The following VSTM2B variants were observed in gnomAD, a reference collection of about 807,000 sequenced individuals.
VSTM2B encodes V-set and transmembrane domain containing 2B.
A neutral mutation model predicts 24.0 loss-of-function variants in VSTM2B; 24 were observed. The ratio of observed to expected loss-of-function variants is 1.00; its 90% CI spans 0.72 to 1.40. The LOEUF is 1.40. Ranked by LOEUF, VSTM2B falls within the 40% of genes most tolerant of loss-of-function variation. VSTM2B has a pLI of 0.00. For missense variants in VSTM2B, 399 were observed against 416.4 expected, an observed-to-expected ratio of 0.96 and a Z score of 0.36; for synonymous variants, 226 against 194.4, an observed-to-expected ratio of 1.16 and a Z score of -1.35.
intron 4 of VSTM2B, among the ~76,000 whole-genome samples, chr19:29,538,259 C>T (rs1012152431): frequency 5.9e-5 from 9 of 152,158 alleles, no homozygotes; most frequent in South Asian, 2.1e-4. Flanking sequence ...GTACGAGTTC[C>T]GTCATCTGTT....
At chr19:29,554,799 C>T (rs1230156161) in intron 4 of VSTM2B, among the ~76,000 whole-genome samples, 1 of 152,022 alleles carries the variant, frequency 6.6e-6, no homozygotes, top group Non-Finnish European at 1.5e-5. Flanking sequence ...TTTAAGCCAA[C>T]AAAGATCAAA....
intron 4 of VSTM2B, among the ~76,000 whole-genome samples, chr19:29,556,041 C>T (rs1238834906): frequency 6.6e-6 from 1 of 151,850 alleles, no homozygotes; most frequent in Non-Finnish European, 1.5e-5. Context: ...GGAGGGACTT[C>T]TCCCTAACTC....
At chr19:29,546,526 C>CGAGTGCAGCTGCTGGCACT in intron 4 of VSTM2B, among the ~76,000 whole-genome samples, 1 of 152,344 alleles carries the variant, frequency 6.6e-6, no homozygotes, top group Non-Finnish European at 1.5e-5. Flanking sequence ...TTGCAGGGGC[C>CGAGTGCAGCTGCTGGCACT]GAGTGCAGCT....
At chr19:29,544,684 A>C (rs1444139388) in intron 4 of VSTM2B, among the ~76,000 whole-genome samples, 4 of 152,106 alleles carry the variant, frequency 2.6e-5, no homozygotes, top group Non-Finnish European at 5.9e-5. Flanking sequence ...CAGTGTTGGG[A>C]AGCTGGAAGG....
intron 4 of VSTM2B, among the ~76,000 whole-genome samples, chr19:29,544,922 T>C (rs1970115068): frequency 6.6e-6 from 1 of 152,192 alleles, no homozygotes; most frequent in African/African-American, 2.4e-5. Flanking sequence ...GGCACCGTGC[T>C]GGGTAATGAG....
At chr19:29,532,139 A>C (rs1185294798) in intron 4 of VSTM2B, among the ~76,000 whole-genome samples, 1 of 152,252 alleles carries the variant, frequency 6.6e-6, no homozygotes, top group African/African-American at 2.4e-5. Flanking sequence ...CAGCCACTCA[A>C]ATCTTTCTGG....
At chr19:29,538,511 G>T (rs981978505) in intron 4 of VSTM2B, among the ~76,000 whole-genome samples, 4 of 152,190 alleles carry the variant, frequency 2.6e-5, no homozygotes, top group Admixed American at 2.6e-4. Flanking sequence ...TCCTGCAAAT[G>T]CTGTGAGCAT....
chr19:29,557,628 G>A (rs898900025), intron 4 of VSTM2B, among the ~76,000 whole-genome samples: 6 of 151,992 alleles, frequency 3.9e-5, no homozygotes, highest in African/African-American at 1.5e-4. Context: ...GAACCCGGGA[G>A]GTGGAGGTTG....
At chr19:29,545,536 C>G (rs1970133453) in intron 4 of VSTM2B, among the ~76,000 whole-genome samples, 2 of 152,136 alleles carry the variant, frequency 1.3e-5, no homozygotes, top group African/African-American at 4.8e-5. Context: ...TGACTTGAAC[C>G]TGGGAGGTGG....
At chr19:29,536,266 C>A (rs1226605374) in intron 4 of VSTM2B, among the ~76,000 whole-genome samples, 1 of 152,210 alleles carries the variant, frequency 6.6e-6, no homozygotes, top group African/African-American at 2.4e-5. Context: ...CTGTGCTGTG[C>A]CAGCACTAAT....
chr19:29,548,431 G>A (rs778669485), intron 4 of VSTM2B, among the ~76,000 whole-genome samples: 5 of 152,160 alleles, frequency 3.3e-5, no homozygotes, highest in African/African-American at 4.8e-5. Flanking sequence ...CCTTGCTTCT[G>A]CCCCAGTTAC....
At chr19:29,545,589 G>T (rs1055279291) in intron 4 of VSTM2B, among the ~76,000 whole-genome samples, 13 of 152,150 alleles carry the variant, frequency 8.5e-5, no homozygotes, top group African/African-American at 3.1e-4. Flanking sequence ...CGCCAGCCTG[G>T]GCGACAAGAG....
intron 4 of VSTM2B, among the ~76,000 whole-genome samples, chr19:29,560,058 C>T (rs889051634): frequency 4.6e-5 from 7 of 152,176 alleles, no homozygotes; most frequent in Non-Finnish European, 7.4e-5. Flanking sequence ...TATCCTGCAG[C>T]AGGCTGGCCC....
chr19:29,562,149 G>C (rs1970542663), intron 4 of VSTM2B, among the ~76,000 whole-genome samples: 5 of 152,160 alleles, frequency 3.3e-5, no homozygotes, highest in Admixed American at 6.5e-5. Flanking sequence ...TTCCCACAGT[G>C]GTCAGGTGGA....
At chr19:29,542,005 G>A (rs899079731) in intron 4 of VSTM2B, among the ~76,000 whole-genome samples, 4 of 151,424 alleles carry the variant, frequency 2.6e-5, no homozygotes, top group Admixed American at 6.6e-5. Flanking sequence ...TGAATGGGTA[G>A]GTAGAAGGAT....
At position 29,537,703 on chromosome 19, in the gene VSTM2B, A is replaced by ACACCCACCTACTCTCCCG. The variant is rs367885460; in HGVS notation, c.769+7456_769+7473dup. 9.2e-3 allele frequency among the ~76,000 whole-genome samples: 602 copies of ACACCCACCTACTCTCCCG among 65,244 alleles called. 19 individuals carry two copies. The highest frequency in any genetic ancestry group is 0.024 in the African/African-American group (369 of 15,692). The allele number at this position is 65,244 out of a possible 152,430, so 42.8% of individuals were successfully genotyped here. A position where few individuals can be genotyped will look rare whatever the true frequency, so the allele number is the denominator to read the frequency against. ...CTTTTCCCCACAACCACCCGCCCCCACACCCACCTACTCTCCCGCACCCAC... is the reference window on the plus strand; with the variant it reads ...CTTTTCCCCACAACCACCCGCCCCCACACCCACCTACTCTCCCGCACCCACCTACTCTCCCGCACCCAC... On this transcript the variant is annotated intron_variant, in intron 4 of 4. Transcript: ENST00000335523.
intron 3 of VSTM2B, 108 bp downstream of exon 3, chr19:29,528,570 A>G: frequency 7.3e-7 from 1 of 1,367,974 alleles, no homozygotes. Flanking sequence ...GGGGCCGCGC[A>G]AGTAGGGCAG....
chr19:29,526,703 G>A lies in VSTM2B; in HGVS notation c.82+38G>A, dbSNP rs2145452451. 6.6e-7 allele frequency: 1 copy of A among 1,506,966 alleles called. No homozygotes were observed. The highest frequency in any genetic ancestry group is 1.2e-5 in the South Asian group (1 of 81,688). 93.3% of individuals were successfully genotyped at this position (1,506,966 alleles called of 1,614,324 possible). On this transcript the variant is annotated intron_variant, in intron 1 of 4. Coordinates refer to ENST00000335523, the MANE Select transcript of VSTM2B (RefSeq NM_001146339.2). This position sits in a 1 kb window ranked among gnomAD's most constrained non-coding sequence, Gnocchi z 4.1. ...ACTTTGCTGCCGCTGTGGACTCGGG[G>A]GGGTCTTTGCTGGGGCCGCCACCGA...
chr19:29,561,301 G>A (rs1230593393), intron 4 of VSTM2B, among the ~76,000 whole-genome samples: 1 of 150,438 alleles, frequency 6.6e-6, no homozygotes, highest in East Asian at 2.0e-4. Flanking sequence ...GACAGAGTGA[G>A]ACTCCATCTC....
Sources: gnomAD v4.1 joint callset for allele counts (sites outside exome capture counted in the v4.1 genomes callset) on GRCh38, gnomAD v4.1.1 for gene constraint, Gnocchi (gnomAD v3.1) non-coding constraint, MANE v1.5 for transcripts, NCBI Gene and HGNC (gene_info 2026-07-23, HGNC 2026-07-21) for gene names.